The following UROC1 variants were observed in gnomAD, a reference collection of about 807,000 sequenced individuals.
UROC1 encodes urocanate hydratase 1.
A neutral mutation model predicts 89.5 loss-of-function variants in UROC1; 79 were observed. The observed-to-expected ratio is 0.88, with a 90% CI of 0.74 to 1.06. The LOEUF is 1.06. Among genes scored for constraint, UROC1 ranks in the 50% least tolerant of loss-of-function variants. The pLI, the probability that UROC1 is intolerant of heterozygous loss-of-function variation, is 0.00. For missense variants in UROC1, 885 were observed against 907.8 expected, an observed-to-expected ratio of 0.97 and a Z score of 0.32; for synonymous variants, 361 against 354.8, an observed-to-expected ratio of 1.02 and a Z score of -0.20.
chr3:126,517,446 T>C (rs1936353542), intron 1 of UROC1, 148 bp downstream of exon 1: 2 of 1,220,466 alleles, frequency 1.6e-6, no homozygotes, highest in African/African-American at 1.5e-5. Flanking sequence ...CCACTGTGCA[T>C]TGCACCCGCA....
intron 15 of UROC1, among the ~76,000 whole-genome samples, chr3:126,495,797 A>G (rs1935761613): frequency 6.6e-6 from 1 of 152,196 alleles, no homozygotes; most frequent in Admixed American, 6.5e-5. Context: ...GTCCTCTCCC[A>G]GGCCACCCTT....
chr3:126,496,210 A>G (rs1240977762), intron 14 of UROC1, 102 bp from the exon 15 acceptor site: 3 of 1,205,676 alleles, frequency 2.5e-6, no homozygotes, highest in Non-Finnish European at 3.6e-6. Context: ...CGAGCCCACC[A>G]CTGAGCTAGG....
intron 9 of UROC1, 69 bp downstream of exon 9, chr3:126,503,926 G>C (rs1007512559): frequency 2.5e-6 from 4 of 1,576,214 alleles, no homozygotes; most frequent in Non-Finnish European, 3.5e-6. Context: ...GCCCCATGGG[G>C]GTCCTCTTGT....
At chr3:126,509,498 A>T in intron 3 of UROC1, 87 bp downstream of exon 3, 2 of 1,285,454 alleles carry the variant, frequency 1.6e-6, no homozygotes, top group Non-Finnish European at 2.2e-6. Context: ...TAATTATCTC[A>T]AAATTAAGAG....
chr3:126,517,274 C>T (rs527774145), intron 1 of UROC1, among the ~76,000 whole-genome samples: 86 of 152,294 alleles, frequency 5.6e-4, no homozygotes, highest in African/African-American at 1.9e-3. Context: ...GTGGACGCGG[C>T]GCTTGGTGTG....
intron 1 of UROC1, among the ~76,000 whole-genome samples, chr3:126,515,600 CTG>C (rs2107553294): frequency 9.8e-6 from 1 of 102,476 alleles, no homozygotes; most frequent in Admixed American, 9.4e-5. Context: ...CTCCTCCCAT[CTG>C]CCCAGCACCC....
intron 8 of UROC1, among the ~76,000 whole-genome samples, chr3:126,504,836 C>T (rs1372882742): frequency 2.0e-5 from 3 of 152,148 alleles, no homozygotes; most frequent in Non-Finnish European, 4.4e-5. Flanking sequence ...AAGAAAGATG[C>T]GAGAGCCTAC....
rs1935900190 is a variant in UROC1, at chr3:126,500,757, G to A, written c.1083C>T (p.Phe361=). The A allele has an allele frequency of 6.2e-7, 1 of 1,614,014 alleles. No individual in the cohort carries two copies. Among genetic ancestry groups the A allele is most frequent in the Admixed American group, 1.7e-5 (1 of 60,012 alleles). The stretch of plus-strand genomic sequence containing the variant: ...AGGCCATGAGGCTCTGGGCCTCCGT[G>A]AAGCTGAGCTGCACAGGGTAGTAGC... The part of the protein sequence containing the change: ...NGGYYPVQLS[F]TEAQSLMASN... The change falls in exon 11 of 20, where the codon TTC becomes TTT. Residue 361 remains phenylalanine (F), a synonymous_variant. Transcript: ENST00000290868.
chr3:126,487,853 G>A (rs578194599), intron 18 of UROC1, among the ~76,000 whole-genome samples: 10 of 152,322 alleles, frequency 6.6e-5, no homozygotes, highest in East Asian at 1.9e-4. Context: ...TGAAAGCGCC[G>A]GGAATTCCAT....
At chr3:126,496,877 G>A (rs549961388) in intron 14 of UROC1, among the ~76,000 whole-genome samples, 8 of 152,304 alleles carry the variant, frequency 5.3e-5, no homozygotes, top group East Asian at 1.9e-4. Flanking sequence ...CATGTGCTGC[G>A]GGCATGTGGA....
intron 9 of UROC1, among the ~76,000 whole-genome samples, chr3:126,502,765 T>G (rs961382531): frequency 5.6e-5 from 8 of 142,470 alleles, no homozygotes; most frequent in East Asian, 2.1e-4. Context: ...TTGTGTGTGT[T>G]TGTGTGTGCA....
intron 2 of UROC1, among the ~76,000 whole-genome samples, chr3:126,510,144 T>C (rs1184562773): frequency 2.0e-5 from 3 of 152,110 alleles, no homozygotes; most frequent in Non-Finnish European, 4.4e-5. Flanking sequence ...TCAAGAACAA[T>C]GAACTGCAGA....
chr3:126,510,645 C>T lies in UROC1; in HGVS notation c.257+19G>A. On this transcript the variant is annotated intron_variant, in intron 2 of 19. Transcript: ENST00000290868. ...GCCTGCCCCTCGGGTCCCTTTGAAG[C>T]TGTACCCACAAGGCTGACCTCATTT... The T allele has an allele frequency of 6.2e-7, 1 of 1,613,478 alleles. No individual in the cohort carries two copies.
Position 126,504,010 on chromosome 3 carries a change from C to T in UROC1, c.887G>A (p.Cys296Tyr). The change falls in exon 9 of 20, where the codon TGC (cysteine) becomes TAC (tyrosine). Residue 296 changes from cysteine to tyrosine, a missense_variant. By Grantham distance (194) the Cys-to-Tyr change is radical (BLOSUM62 -2). Transcript: ENST00000290868. ...GGAGCTGTACCTGAGCCTCTGGATG[C>T]AGCGGTCCAAGCTGTCAGTCACTTC... ...LMEVTDSLDR[C>Y]IQRLREARKK... 6.2e-7 allele frequency: 1 copy of T among 1,614,134 alleles called. No homozygotes were observed. The highest frequency in any genetic ancestry group is 8.5e-7 in the Non-Finnish European group (1 of 1,180,046).
chr3:126,501,380 G>C, intron 9 of UROC1, 100 bp from the exon 10 acceptor site: 1 of 1,422,632 alleles, frequency 7.0e-7, no homozygotes, highest in Non-Finnish European at 9.9e-7. Context: ...GACCCAGGAG[G>C]CCACCAGAGG....
At position 126,505,848 on chromosome 3, in the gene UROC1, C is replaced by G; in HGVS notation, c.670-4G>C. The G allele has an allele frequency of 6.2e-7, 1 of 1,613,622 alleles. No homozygotes were observed. The highest frequency in any genetic ancestry group is 8.5e-7 in the Non-Finnish European group (1 of 1,180,004). On this transcript the variant is annotated splice_region_variant and splice_polypyrimidine_tract_variant and intron_variant, in intron 7 of 19. Transcript: ENST00000290868. Reference sequence around the variant, plus strand: ...GTGCAGCATTCAACACGGTGAGCTGCAGGGAGAAGAGGTGGGGGCTCACTG... The same window carrying G: ...GTGCAGCATTCAACACGGTGAGCTGGAGGGAGAAGAGGTGGGGGCTCACTG...
At position 126,483,450 on chromosome 3, in the gene UROC1, C is replaced by T. The variant is rs1290564812; in HGVS notation, c.1809G>A (p.Gly603=). 6.2e-7 allele frequency: 1 copy of T among 1,613,916 alleles called. No homozygotes were observed. ...GGVGWGEVIN[G]GFGLVLDGTP... ...TACCGTCCAGCACGAGGCCGAATCC[C>T]CCGTTGATCACCTCACCCCTGCAGG... Residue 603 remains glycine, a synonymous_variant, in exon 19 of 20, where the codon GGG becomes GGA. Transcript: ENST00000290868.
intron 9 of UROC1, 38 bp downstream of exon 9, chr3:126,503,957 C>A: frequency 6.2e-7 from 1 of 1,611,534 alleles, no homozygotes; most frequent in South Asian, 1.1e-5. Flanking sequence ...TGCCACGTGT[C>A]AGGTGTCAGG....
At chr3:126,495,740 G>C (rs1309368781) in intron 15 of UROC1, among the ~76,000 whole-genome samples, 1 of 152,176 alleles carries the variant, frequency 6.6e-6, no homozygotes, top group Non-Finnish European at 1.5e-5. Flanking sequence ...ATTTCCATGT[G>C]GCTGCACCAT....
Sources: allele counts gnomAD v4.1 joint callset (sites outside exome capture counted in the v4.1 genomes callset), GRCh38; gene constraint gnomAD v4.1.1; transcripts MANE v1.5; gene names NCBI Gene and HGNC (gene_info 2026-07-23, HGNC 2026-07-21).